The following CSMD1 variants were observed in gnomAD, a reference collection of about 807,000 sequenced individuals.
CSMD1 encodes CUB and sushi domain-containing protein 1.
Under a neutral mutation model 417.5 loss-of-function variants are expected in CSMD1, and 213 were observed. The ratio of observed to expected loss-of-function variants is 0.51; its 90% CI spans 0.46 to 0.57. The LOEUF is 0.57. Among genes scored for constraint, CSMD1 ranks in the 20% least tolerant of loss-of-function variants. The pLI, the probability that CSMD1 is intolerant of heterozygous loss-of-function variation, is 0.00. For missense variants in CSMD1, 6,923 were observed against 4,529.7 expected (o/e 1.53, Z -15.17); for synonymous variants, 2,862 against 1,736.8 (o/e 1.65, Z -16.11).
intron 5 of CSMD1, among the ~76,000 whole-genome samples, chr8:3,982,278 T>G (rs929033068): frequency 2.6e-5 from 4 of 151,452 alleles, no homozygotes; most frequent in Admixed American, 6.6e-5. Context: ...TAAATCCTGG[T>G]CTACATTCCT....
At chr8:3,095,209 C>G (rs1815212745) in intron 47 of CSMD1, among the ~76,000 whole-genome samples, 1 of 152,070 alleles carries the variant, frequency 6.6e-6, no homozygotes, top group Non-Finnish European at 1.5e-5. Flanking sequence ...CTTTTATGTC[C>G]TTTGTAGGGA....
Position 4,552,840 on chromosome 8 carries a change from G to C in CSMD1, c.302+84502C>G, listed in dbSNP as rs139643622. 2.2e-3 allele frequency among the ~76,000 whole-genome samples: 330 copies of C among 152,228 alleles called. 3 individuals are homozygous for C. The East Asian group carries it at 0.058, about 27-fold the overall frequency. On this transcript the variant is annotated intron_variant, in intron 2 of 69. Transcript: ENST00000635120. ...GATAGCCCACTGCAATTATGCTCTA[G>C]CTGGATGTTTGTGAAAATCTAGCTG...
chr8:4,660,115 A>C (rs1390748670), intron 1 of CSMD1, among the ~76,000 whole-genome samples: 1 of 23,408 alleles, frequency 4.3e-5, no homozygotes, highest in East Asian at 3.0e-3. Context: ...CAACCAGTGC[A>C]AAAAAAAAAA....
chr8:3,805,718 T>A (rs939423004), intron 5 of CSMD1, among the ~76,000 whole-genome samples: 8 of 152,164 alleles, frequency 5.3e-5, no homozygotes, highest in Admixed American at 1.3e-4. Context: ...TTTCTTCTTT[T>A]TTTAATTCGA....
intron 3 of CSMD1, among the ~76,000 whole-genome samples, chr8:4,161,390 A>T (rs1797153014): frequency 6.6e-6 from 1 of 152,220 alleles, no homozygotes; most frequent in Non-Finnish European, 1.5e-5. Context: ...AATTAAAGGA[A>T]TCTTAGAGGT....
At chr8:3,833,710 T>G (rs1283742835) in intron 5 of CSMD1, among the ~76,000 whole-genome samples, 1 of 152,142 alleles carries the variant, frequency 6.6e-6, no homozygotes, top group Non-Finnish European at 1.5e-5. Flanking sequence ...ACTGGTTACA[T>G]ATATATAAGG....
In CSMD1 at chr8:4,826,175, A is replaced by G. The variant is rs189559221; in HGVS notation, c.85+168157T>C. ...ATTCAAATCAGGATCTTGTAGAGAC[A>G]TGAGTACCCCAGTGTTCATTGTTGC... On this transcript the variant is annotated intron_variant, in intron 1 of 69. Transcript: ENST00000635120. 4.6e-5 allele frequency among the ~76,000 whole-genome samples: 7 copies of G among 152,280 alleles called. No individual in the cohort carries two copies. The East Asian group carries it at 1.4e-3, about 29-fold the overall frequency.
chr8:4,929,755 G>C (rs1049652801), intron 1 of CSMD1, among the ~76,000 whole-genome samples: 1 of 152,224 alleles, frequency 6.6e-6, no homozygotes, highest in Admixed American at 6.5e-5. Flanking sequence ...CTAAGCCATG[G>C]TTATTATAAG....
chr8:3,888,389 C>A (rs182543405), intron 5 of CSMD1, among the ~76,000 whole-genome samples: 1 of 152,248 alleles, frequency 6.6e-6, no homozygotes, highest in South Asian at 2.1e-4. Context: ...CATAGAGAAG[C>A]CTATTTCATT....
At chr8:4,682,183 T>G (rs1321570094) in intron 1 of CSMD1, among the ~76,000 whole-genome samples, 1 of 152,074 alleles carries the variant, frequency 6.6e-6, no homozygotes, top group Admixed American at 6.5e-5. Flanking sequence ...CACACCACCA[T>G]GCCTGGCTAA....
At chr8:3,508,194 T>C (rs1170677270) in intron 10 of CSMD1, among the ~76,000 whole-genome samples, 10 of 152,008 alleles carry the variant, frequency 6.6e-5, no homozygotes, top group Admixed American at 6.6e-4. Context: ...CCTTGTCTCT[T>C]TGGTTGTCTA....
chr8:3,467,021 C>A (rs1490526352), intron 12 of CSMD1, among the ~76,000 whole-genome samples: 3 of 152,152 alleles, frequency 2.0e-5, no homozygotes, highest in Non-Finnish European at 4.4e-5. Context: ...CTCTCAAGGA[C>A]TGATGGCCAT....
At chr8:4,353,178 C>A (rs986891767) in intron 3 of CSMD1, among the ~76,000 whole-genome samples, 2 of 152,124 alleles carry the variant, frequency 1.3e-5, no homozygotes, top group Non-Finnish European at 2.9e-5. Context: ...TTGTAATAAT[C>A]CCCACGTGTC....
At chr8:4,300,428 AT>A (rs1170915938) in intron 3 of CSMD1, among the ~76,000 whole-genome samples, 6 of 152,368 alleles carry the variant, frequency 3.9e-5, no homozygotes, top group African/African-American at 1.4e-4. Context: ...GATGCCAGGC[AT>A]TCAGTCCATC....
At chr8:3,965,044 T>C (rs1812577369) in intron 5 of CSMD1, among the ~76,000 whole-genome samples, 1 of 152,222 alleles carries the variant, frequency 6.6e-6, no homozygotes, top group Non-Finnish European at 1.5e-5. Context: ...AATGTGCTTG[T>C]AAATATTGAG....
chr8:3,631,502 G>T (rs1424373556), intron 7 of CSMD1, among the ~76,000 whole-genome samples: 1 of 152,192 alleles, frequency 6.6e-6, no homozygotes, highest in Non-Finnish European at 1.5e-5. Context: ...GATAGGCCGG[G>T]AATAGCTTAG....
At chr8:4,089,598 A>G (rs1800607622) in intron 3 of CSMD1, among the ~76,000 whole-genome samples, 2 of 152,218 alleles carry the variant, frequency 1.3e-5, no homozygotes, top group Non-Finnish European at 2.9e-5. Context: ...CTCAAAGGTT[A>G]AATGGGGATA....
chr8:3,685,658 G>A (rs898558519), intron 7 of CSMD1, among the ~76,000 whole-genome samples: 2 of 152,118 alleles, frequency 1.3e-5, no homozygotes, highest in East Asian at 3.9e-4. Flanking sequence ...GCCTGGGGGT[G>A]CTTTTCTGAG....
chr8:4,432,407 T>G (rs28673741), intron 2 of CSMD1, among the ~76,000 whole-genome samples: 4,390 of 152,246 alleles, frequency 0.029, 183 homozygotes, highest in African/African-American at 0.098. Flanking sequence ...TTTCATGTTA[T>G]GTTGATTTCC....
Sources: gnomAD v4.1 joint callset for allele counts (sites outside exome capture counted in the v4.1 genomes callset) on GRCh38, gnomAD v4.1.1 for gene constraint, MANE v1.5 for transcripts, NCBI Gene and HGNC (gene_info 2026-07-23, HGNC 2026-07-21) for gene names.